PKNOX2: variants seen among roughly 807,000 people sequenced by gnomAD.
The protein encoded by PKNOX2 is PBX/knotted 1 homeobox 2.
PKNOX2 carries 14 observed loss-of-function variants against 53.1 expected under a neutral mutation model. The ratio of observed to expected loss-of-function variants is 0.26; its 90% CI spans 0.17 to 0.41. The LOEUF (loss-of-function observed/expected upper bound fraction) is 0.41, where lower values mean the gene tolerates loss of function less well. PKNOX2 is among the 10% of genes least tolerant of loss of function. The pLI, the probability that PKNOX2 is intolerant of heterozygous loss-of-function variation, is 1.00. For missense variants in PKNOX2, 496 were observed against 602.8 expected (o/e 0.82, Z 1.85); for synonymous variants, 257 against 242.8 (o/e 1.06, Z -0.54).
intron 5 of PKNOX2, among the ~76,000 whole-genome samples, chr11:125,375,235 A>T (rs1315960878): frequency 6.6e-6 from 1 of 152,186 alleles, no homozygotes; most frequent in Non-Finnish European, 1.5e-5. Flanking sequence ...AAAAATGTTA[A>T]GGCCTCTCCA....
intron 1 of PKNOX2, among the ~76,000 whole-genome samples, chr11:125,211,980 A>T (rs1272071630): frequency 6.6e-6 from 1 of 152,034 alleles, no homozygotes; most frequent in Non-Finnish European, 1.5e-5. Context: ...CTTTTCCTTT[A>T]AGAAAAAAAA....
chr11:125,419,452 GA>G (rs11309457), intron 10 of PKNOX2, among the ~76,000 whole-genome samples: 76,023 of 137,714 alleles, frequency 0.55, 20,584 homozygotes, highest in Middle Eastern at 0.66. Context: ...GAAAAAAAAA[GA>G]AAAAAAAAAA....
chr11:125,234,815 A>G (rs1942528119), intron 1 of PKNOX2, among the ~76,000 whole-genome samples: 1 of 152,180 alleles, frequency 6.6e-6, no homozygotes, highest in Non-Finnish European at 1.5e-5. Flanking sequence ...AAGCAGGTAG[A>G]GGAGGGCATG....
At chr11:125,315,175 C>A (rs918140988) in intron 2 of PKNOX2, among the ~76,000 whole-genome samples, 2 of 152,042 alleles carry the variant, frequency 1.3e-5, no homozygotes, top group Non-Finnish European at 2.9e-5. Flanking sequence ...CCTCTCCCCA[C>A]CTCCTTCCTT....
intron 10 of PKNOX2, among the ~76,000 whole-genome samples, chr11:125,416,335 G>A (rs926306560): frequency 6.8e-6 from 1 of 147,324 alleles, no homozygotes; most frequent in Non-Finnish European, 1.5e-5. Context: ...AAAGAAAGTG[G>A]AATTACAACT....
At chr11:125,261,108 C>A (rs1944811831) in intron 2 of PKNOX2, among the ~76,000 whole-genome samples, 1 of 152,134 alleles carries the variant, frequency 6.6e-6, no homozygotes, top group African/African-American at 2.4e-5. Flanking sequence ...TGTCATTTTT[C>A]AGGTGGAATG....
rs141093627 is a variant in PKNOX2, at chr11:125,258,403, A to G, written c.-130+23288A>G. On this transcript the variant is annotated intron_variant, in intron 2 of 12. Transcript: ENST00000298282. Reference sequence around the variant, plus strand: ...TCTGCAGGGTCCAGATTTCATTTTTATTAAAATGAAACACTTTCAGGCACC... The same window carrying G: ...TCTGCAGGGTCCAGATTTCATTTTTGTTAAAATGAAACACTTTCAGGCACC... 1.9e-3 allele frequency among the ~76,000 whole-genome samples: 294 copies of G among 152,276 alleles called. 1 individual carries two copies. The highest frequency in any genetic ancestry group is 6.4e-3 in the African/African-American group (268 of 41,554).
chr11:125,306,271 C>T (rs1000614706), intron 2 of PKNOX2, among the ~76,000 whole-genome samples: 4 of 152,106 alleles, frequency 2.6e-5, no homozygotes, highest in African/African-American at 7.2e-5. Context: ...CCAATTTGGT[C>T]GGTTGCTCCC....
chr11:125,419,562 C>G (rs1226701611), intron 10 of PKNOX2, among the ~76,000 whole-genome samples: 8 of 151,748 alleles, frequency 5.3e-5, no homozygotes, highest in Admixed American at 5.2e-4. Flanking sequence ...TGAAATTCCA[C>G]TTGCATACGT....
intron 2 of PKNOX2, among the ~76,000 whole-genome samples, chr11:125,249,757 T>A (rs1440389686): frequency 6.6e-6 from 1 of 152,120 alleles, no homozygotes. Flanking sequence ...AGATAGGAAC[T>A]GGGGCGACAA....
At chr11:125,420,126 G>A (rs1956094815) in intron 10 of PKNOX2, among the ~76,000 whole-genome samples, 1 of 151,426 alleles carries the variant, frequency 6.6e-6, no homozygotes, top group Admixed American at 6.6e-5. Flanking sequence ...GGTCAAGGCT[G>A]CAGTGAGCCC....
chr11:125,335,744 G>C (rs1288525662), intron 3 of PKNOX2, among the ~76,000 whole-genome samples: 2 of 152,178 alleles, frequency 1.3e-5, no homozygotes, highest in African/African-American at 4.8e-5. Flanking sequence ...CTTGAGGCCA[G>C]TAGGTTGAGG....
chr11:125,358,698 G>A lies in PKNOX2; in HGVS notation c.87+7306G>A, dbSNP rs892254123. ...CACTGGGCTGTCCGGCTCTGATGCC[G>A]GCCCTTCCTCTCCCTGGGCTAACTG... On this transcript the variant is annotated intron_variant, in intron 4 of 12. Coordinates refer to ENST00000298282, the MANE Select transcript of PKNOX2 (RefSeq NM_001382323.2). Among the ~76,000 whole-genome samples, 5 of 152,160 alleles carry A rather than the reference G, an allele frequency of 3.3e-5. No homozygotes were observed. In the East Asian group the frequency reaches 7.7e-4, roughly 23 times the overall value.
intron 1 of PKNOX2, among the ~76,000 whole-genome samples, chr11:125,214,613 C>A (rs1940262136): frequency 6.6e-6 from 1 of 152,086 alleles, no homozygotes; most frequent in Non-Finnish European, 1.5e-5. Context: ...CCTGGGCCAG[C>A]CTCTGAGGTC....
intron 1 of PKNOX2, among the ~76,000 whole-genome samples, chr11:125,181,584 G>A (rs890220123): frequency 3.3e-5 from 5 of 152,230 alleles, no homozygotes; most frequent in African/African-American, 1.2e-4. Context: ...TCGTTTACCA[G>A]CTGCCCAGTG....
At chr11:125,379,083 CAG>C (rs1260132530) in intron 5 of PKNOX2, among the ~76,000 whole-genome samples, 2 of 136,192 alleles carry the variant, frequency 1.5e-5, no homozygotes, top group Non-Finnish European at 3.0e-5. Context: ...TTTTTTGAGA[CAG>C]AGTCTCAATC....
Position 125,250,104 on chromosome 11 carries a change from G to A in PKNOX2, c.-130+14989G>A, listed in dbSNP as rs989938659. 2.6e-4 allele frequency among the ~76,000 whole-genome samples: 39 copies of A among 148,728 alleles called. 1 individual carries two copies. The highest frequency in any genetic ancestry group is 6.5e-4 in the African/African-American group (26 of 40,266). On this transcript the variant is annotated intron_variant, in intron 2 of 12. Transcript: ENST00000298282. The stretch of plus-strand genomic sequence containing the variant: ...AAAAAAAAAAAAACAATTTAGACAT[G>A]GGAGTCTCACTATGTTGCCCAGGCT...
At chr11:125,359,095 A>G (rs73618184) in intron 4 of PKNOX2, among the ~76,000 whole-genome samples, 9,793 of 145,796 alleles carry the variant, frequency 0.067, 1,070 homozygotes, top group African/African-American at 0.23. Context: ...GCAGGAAGGT[A>G]GACACCATCG....
chr11:125,170,542 C>T (rs1205586353), intron 1 of PKNOX2, among the ~76,000 whole-genome samples: 3 of 152,190 alleles, frequency 2.0e-5, no homozygotes, highest in Non-Finnish European at 4.4e-5. Context: ...GTTCATCTCA[C>T]GCGGTCAAGC....
Sources: gnomAD v4.1 joint callset for allele counts (sites outside exome capture counted in the v4.1 genomes callset) on GRCh38, gnomAD v4.1.1 for gene constraint, MANE v1.5 for transcripts, NCBI Gene and HGNC (gene_info 2026-07-23, HGNC 2026-07-21) for gene names.